Variants in CRISPLD1 observed in about 807,000 individuals in gnomAD.
CRISPLD1 encodes the protein cysteine rich secretory protein LCCL domain containing 1.
Under a neutral mutation model 77.5 loss-of-function variants are expected in CRISPLD1, and 60 were observed. The observed-to-expected ratio is 0.77, with a 90% CI of 0.63 to 0.96. The LOEUF is 0.96. Among genes scored for constraint, CRISPLD1 ranks in the 40% least tolerant of loss-of-function variants. The pLI is 0.00. For missense variants in CRISPLD1, 623 were observed against 615.8 expected, an observed-to-expected ratio of 1.01 and a Z score of -0.12; for synonymous variants, 195 against 200.1, an observed-to-expected ratio of 0.97 and a Z score of 0.22.
chr8:75,016,060 G>T (rs561109626), intron 6 of CRISPLD1, among the ~76,000 whole-genome samples: 8 of 151,868 alleles, frequency 5.3e-5, no homozygotes, highest in Non-Finnish European at 1.2e-4. Context: ...TCTGCATATT[G>T]AATTTTCTTC....
chr8:75,019,376 G>T (rs934353700), intron 10 of CRISPLD1, among the ~76,000 whole-genome samples: 1 of 152,092 alleles, frequency 6.6e-6, no homozygotes, highest in African/African-American at 2.4e-5. Context: ...AATAATGCAT[G>T]TGATGAGGAG....
At chr8:75,006,922 TTAATG>T (rs1812842138) in intron 2 of CRISPLD1, among the ~76,000 whole-genome samples, 1 of 152,132 alleles carries the variant, frequency 6.6e-6, no homozygotes, top group African/African-American at 2.4e-5. Flanking sequence ...TTTATATCCT[TTAATG>T]TAATCCAAAA....
chr8:75,029,619 A>C, intron 14 of CRISPLD1, 102 bp downstream of exon 14: 2 of 1,212,712 alleles, frequency 1.6e-6, no homozygotes, highest in Non-Finnish European at 2.3e-6. Flanking sequence ...ATTTTTTTCA[A>C]AGTTAAGTGG....
At chr8:75,016,495 T>C in intron 6 of CRISPLD1, 70 bp from the exon 7 acceptor site, 1 of 1,376,102 alleles carries the variant, frequency 7.3e-7, no homozygotes, top group Non-Finnish European at 1.0e-6. Flanking sequence ...TATTAAAGTA[T>C]ATTATTATTT....
intron 13 of CRISPLD1, 21 bp from the exon 14 acceptor site, chr8:75,029,365 GT>G (rs765055020): frequency 6.2e-7 from 1 of 1,602,654 alleles, no homozygotes; most frequent in East Asian, 2.2e-5. Flanking sequence ...AATAATGGCA[GT>G]TTGTTTCTTT....
intron 2 of CRISPLD1, 32 bp from the exon 3 acceptor site, chr8:75,012,400 AT>A: frequency 8.0e-7 from 1 of 1,246,938 alleles, no homozygotes; most frequent in Non-Finnish European, 1.2e-6. Context: ...CAAATGCTAC[AT>A]GTGCACATTT....
chr8:74,993,059 T>C (rs555873675), intron 2 of CRISPLD1, among the ~76,000 whole-genome samples: 1 of 152,270 alleles, frequency 6.6e-6, no homozygotes, highest in Admixed American at 6.5e-5. Flanking sequence ...TTTACTCTTA[T>C]AAATTCATAT....
chr8:74,988,431 T>C (rs747597830), intron 2 of CRISPLD1, among the ~76,000 whole-genome samples: 4 of 152,226 alleles, frequency 2.6e-5, no homozygotes, highest in Non-Finnish European at 4.4e-5. Context: ...TATTGGTTCA[T>C]ATTTTAGTTA....
At chr8:75,019,944 T>C in intron 11 of CRISPLD1, 31 bp downstream of exon 11, 1 of 1,610,268 alleles carries the variant, frequency 6.2e-7, no homozygotes, top group Non-Finnish European at 8.5e-7. Flanking sequence ...ATTTTCTTAG[T>C]ACTGTGTAGT....
intron 2 of CRISPLD1, among the ~76,000 whole-genome samples, chr8:74,996,071 TTA>T (rs1006951855): frequency 8.7e-5 from 13 of 149,948 alleles, no homozygotes; most frequent in Non-Finnish European, 1.5e-4. Context: ...CGCATGTGTT[TTA>T]TATATATATA....
At chr8:75,004,385 A>G (rs1013960616) in intron 2 of CRISPLD1, among the ~76,000 whole-genome samples, 1 of 152,046 alleles carries the variant, frequency 6.6e-6, no homozygotes, top group East Asian at 1.9e-4. Flanking sequence ...TCACAAAAGC[A>G]TCTCACACTC....
chr8:75,020,416 A>G (rs572040261), intron 12 of CRISPLD1, among the ~76,000 whole-genome samples: 1 of 152,258 alleles, frequency 6.6e-6, no homozygotes, highest in East Asian at 1.9e-4. Flanking sequence ...ACAGTTCTGG[A>G]GGTTGAGAAG....
chr8:75,024,628 C>T (rs978735701), intron 12 of CRISPLD1, among the ~76,000 whole-genome samples: 1 of 151,980 alleles, frequency 6.6e-6, no homozygotes, highest in Admixed American at 6.6e-5. Context: ...CCTGGCTGGA[C>T]TTGTACGTTT....
Position 75,029,416 on chromosome 8 carries a change from T to C in CRISPLD1, c.1350T>C (p.His450=), listed in dbSNP as rs200122961. ...CCAGTATCTGCAGAGCAGCAGTACA[T>C]GCTGGAGTGGTTCGAAATCACGGTG... ...DLSSICRAAV[H]AGVVRNHGGY... is the part of the protein sequence containing the mutation. The change falls in exon 14 of 15, where the codon CAT becomes CAC. Residue 450 remains histidine, a synonymous_variant. Transcript: ENST00000262207. 1,327 of 1,613,656 alleles carry C rather than the reference T, an allele frequency of 8.2e-4. 24 individuals carry two copies. In the South Asian group the frequency reaches 0.014, roughly 17 times the overall value.
intron 1 of CRISPLD1, among the ~76,000 whole-genome samples, chr8:74,985,190 C>T (rs1399205109): frequency 6.6e-6 from 1 of 152,118 alleles, no homozygotes; most frequent in Non-Finnish European, 1.5e-5. Context: ...TGCCTTCACA[C>T]TTGAGAGGAA....
chr8:75,017,245 T>C (rs1813048469), intron 9 of CRISPLD1, 75 bp from the exon 10 acceptor site: 1 of 1,561,028 alleles, frequency 6.4e-7, no homozygotes, highest in African/African-American at 1.4e-5. Flanking sequence ...GAAAGTCACA[T>C]AAGTGGTAAA....
intron 13 of CRISPLD1, among the ~76,000 whole-genome samples, chr8:75,026,267 G>A (rs1334027903): frequency 6.6e-6 from 1 of 152,148 alleles, no homozygotes; most frequent in Admixed American, 6.5e-5. Flanking sequence ...TTGTTGTAGA[G>A]ATGGGGTCTC....
At chr8:75,009,028 AG>A (rs1341736478) in intron 2 of CRISPLD1, among the ~76,000 whole-genome samples, 3 of 152,172 alleles carry the variant, frequency 2.0e-5, no homozygotes, top group African/African-American at 7.2e-5. Context: ...TCAATTTCAT[AG>A]GGAAAACTGA....
intron 14 of CRISPLD1, among the ~76,000 whole-genome samples, chr8:75,030,181 C>A (rs1257384622): frequency 2.0e-5 from 3 of 151,934 alleles, no homozygotes; most frequent in African/African-American, 7.3e-5. Context: ...ATAGAAAAAT[C>A]CCTAACTTTT....
Sources: gnomAD v4.1 joint callset for allele counts (sites outside exome capture counted in the v4.1 genomes callset) on GRCh38, gnomAD v4.1.1 for gene constraint, MANE v1.5 for transcripts, NCBI Gene and HGNC (gene_info 2026-07-23, HGNC 2026-07-21) for gene names.